Variants in USB1 observed in about 807,000 individuals in gnomAD.
USB1 encodes U6 snRNA biogenesis phosphodiesterase 1, also known as U6 snRNA phosphodiesterase 1.
Under a neutral mutation model 29.9 loss-of-function variants are expected in USB1, and 21 were observed. The ratio of observed to expected loss-of-function variants is 0.70; its 90% CI spans 0.50 to 1.01. The LOEUF (loss-of-function observed/expected upper bound fraction) is 1.01. Ranked by LOEUF, USB1 falls within the 50% of genes least tolerant of loss-of-function variation. The pLI is 0.00. For synonymous variants in USB1, 143 were observed against 134.9 expected (o/e 1.06, Z -0.42); for missense variants, 330 against 347.1 (o/e 0.95, Z 0.39).
intron 2 of USB1, among the ~76,000 whole-genome samples, chr16:58,006,351 TCAAAAAAAAAAAAAAA>T (rs1467650007): frequency 5.9e-5 from 3 of 50,614 alleles, no homozygotes; most frequent in African/African-American, 9.5e-5. Flanking sequence ...AAACCTCGTT[TCAAAAAAAAAAAAAAA>T]CAAAAAAAAA....
chr16:58,005,615 A>G (rs1204984395), intron 2 of USB1, among the ~76,000 whole-genome samples: 1 of 152,214 alleles, frequency 6.6e-6, no homozygotes, highest in Non-Finnish European at 1.5e-5. Flanking sequence ...ATGATTAATA[A>G]TATTCATATA....
rs751177454 is a variant in USB1, at chr16:58,020,183, G to A, written c.736G>A (p.Val246Met). 20 of 1,614,060 alleles carry A rather than the reference G, an allele frequency of 1.2e-5. 1 individual carries two copies. Among genetic ancestry groups the A allele is most frequent in the South Asian group, 6.6e-5 (6 of 91,090 alleles). ...GFEDAEVLLRVHTEQVRCKSG... is the reference protein window; with the variant it reads ...GFEDAEVLLRMHTEQVRCKSG... The stretch of plus-strand genomic sequence containing the variant: ...TGAAGATGCTGAGGTGCTGCTGCGC[G>A]TGCACACTGAGCAAGTCCGCTGCAA... Residue 246 changes from valine to methionine, a missense_variant, in exon 7 of 7, where the codon GTG (valine) becomes ATG (methionine). Physicochemically the swap from Val to Met is conservative, Grantham distance 21. Coordinates refer to ENST00000219281, the MANE Select transcript of USB1 (RefSeq NM_024598.4).
intron 2 of USB1, 75 bp from the exon 3 acceptor site, chr16:58,009,854 C>G (rs1039731002): frequency 6.3e-7 from 1 of 1,583,548 alleles, no homozygotes; most frequent in African/African-American, 1.3e-5. Flanking sequence ...CTTCCCTCTG[C>G]CTTCTGGGCT....
In USB1 at chr16:58,001,501, G is replaced by A. The variant is rs954060204; in HGVS notation, c.18G>A (p.Leu6=). The A allele has an allele frequency of 2.5e-6, 4 of 1,605,016 alleles. No individual in the cohort carries two copies. The highest frequency in any genetic ancestry group is 8.5e-7 in the Non-Finnish European group (1 of 1,176,352). ...GAGGCCCCATGAGCGCGGCGCCCCT[G>A]GTGGGCTACAGCAGCAGCGGCTCCG... MSAAP[L]VGYSSSGSED... The change falls in exon 1 of 7, where the codon CTG becomes CTA. Residue 6 remains leucine, a synonymous_variant. Coordinates refer to ENST00000219281, the MANE Select transcript of USB1 (RefSeq NM_024598.4).
At chr16:58,011,854 A>G (rs1280390109) in intron 3 of USB1, 1 of 992,786 alleles carries the variant, frequency 1.0e-6, no homozygotes, top group African/African-American at 1.7e-5. Context: ...GTAGACATCA[A>G]ATAGATGCTT....
upstream of USB1, among the ~76,000 whole-genome samples, chr16:58,001,093 C>T (rs570833137): frequency 2.0e-5 from 3 of 152,216 alleles, no homozygotes; most frequent in East Asian, 3.9e-4. Flanking sequence ...TGGCCGGGCT[C>T]GGGGCAGGCA....
rs1407525376 is a variant in USB1 at position 58,002,530 on chromosome 16, G to A, written c.150G>A (p.Leu50=). Residue 50 remains leucine, a synonymous_variant, in exon 2 of 7, where the codon CTG becomes CTA. Coordinates refer to ENST00000219281, the MANE Select transcript of USB1 (RefSeq NM_024598.4). Reference sequence around the variant, plus strand: ...GATTTCCAGTACCTGACAGTGTGCTGAACATGTTCCCGGGCACCGAGGAGG... The same window carrying A: ...GATTTCCAGTACCTGACAGTGTGCTAAACATGTTCCCGGGCACCGAGGAGG... The part of the protein sequence containing the change: ...RQRFPVPDSV[L]NMFPGTEEGP... 1.2e-6 allele frequency: 2 copies of A among 1,613,984 alleles called. No individual in the cohort carries two copies. Among genetic ancestry groups the A allele is most frequent in the South Asian group, 1.1e-5 (1 of 91,086 alleles).
chr16:58,020,396 C>A lies in USB1; in HGVS notation c.*151C>A. The A allele has an allele frequency of 1.4e-6, 1 of 705,824 alleles. No homozygotes were observed. Among genetic ancestry groups the A allele is most frequent in the Non-Finnish European group, 2.6e-6 (1 of 387,490 alleles). The allele number at this position is 705,824 out of a possible 1,614,324, so 43.7% of individuals were successfully genotyped here. A position where few individuals can be genotyped will look rare whatever the true frequency, so the allele number is the denominator to read the frequency against. ...GGAGGTGTAGCCACTCCTCATCCTCCCTGAGTGCTGATATTCTCTCTCTCT... is the reference window on the plus strand; with the variant it reads ...GGAGGTGTAGCCACTCCTCATCCTCACTGAGTGCTGATATTCTCTCTCTCT... On this transcript the variant is annotated 3_prime_UTR_variant, in exon 7 of 7. Coordinates refer to ENST00000219281, the MANE Select transcript of USB1 (RefSeq NM_024598.4).
chr16:58,020,224 C>G lies in USB1; in HGVS notation c.777C>G (p.Phe259Leu). The part of the protein sequence containing the change: ...EQVRCKSGNK[F>L]FSMPLK ...TCCGCTGCAAGTCTGGGAACAAGTT[C>G]TTCTCGATGCCTTTGAAGTGAGCAC... Residue 259 changes from phenylalanine to leucine, a missense_variant, in exon 7 of 7, where the codon TTC becomes TTG. Transcript: ENST00000219281. 6.2e-7 allele frequency: 1 copy of G among 1,614,078 alleles called. No homozygotes were observed. Among genetic ancestry groups the G allele is most frequent in the East Asian group, 2.2e-5 (1 of 44,896 alleles).
At chr16:58,018,728 A>G (rs972884463) in intron 5 of USB1, among the ~76,000 whole-genome samples, 3 of 152,014 alleles carry the variant, frequency 2.0e-5, no homozygotes, top group African/African-American at 4.8e-5. Context: ...ATACTATCAC[A>G]TTGGGGGTTA....
intron 2 of USB1, among the ~76,000 whole-genome samples, chr16:58,007,151 T>TGA (rs1237750428): frequency 6.6e-6 from 1 of 152,248 alleles, no homozygotes; most frequent in Non-Finnish European, 1.5e-5. Context: ...TCTCTGTCCA[T>TGA]GAGAGATATG....
At chr16:58,002,977 G>A (rs1963265883) in intron 2 of USB1, among the ~76,000 whole-genome samples, 1 of 152,178 alleles carries the variant, frequency 6.6e-6, no homozygotes. Flanking sequence ...CGCTGGGTGT[G>A]CAAGGTTCAA....
rs146419360 is a variant in USB1 at position 58,020,201 on chromosome 16, C to A, written c.754C>A (p.Arg252Ser). Residue 252 changes from arginine (R) to serine (S), a missense_variant, in exon 7 of 7, where the codon CGC becomes AGC. Transcript: ENST00000219281. ...GCTGCGCGTGCACACTGAGCAAGTC[C>A]GCTGCAAGTCTGGGAACAAGTTCTT... ...VLLRVHTEQVRCKSGNKFFSM... is the reference protein window; with the variant it reads ...VLLRVHTEQVSCKSGNKFFSM... 1.4e-5 allele frequency: 23 copies of A among 1,614,012 alleles called. No individual in the cohort carries two copies. Among genetic ancestry groups the A allele is most frequent in the Non-Finnish European group, 6.8e-6 (8 of 1,180,032 alleles).
At chr16:58,016,248 G>C (rs1387870770) in intron 4 of USB1, 3 of 152,202 alleles carry the variant, frequency 2.0e-5, no homozygotes, top group Non-Finnish European at 2.9e-5. Flanking sequence ...GTGAAGCAAG[G>C]GGAAGACGAA....
rs868158341 is a variant in USB1 at position 58,005,412 on chromosome 16, G to A, written c.265+2767G>A. On this transcript the variant is annotated intron_variant, in intron 2 of 6. Coordinates refer to ENST00000219281, the MANE Select transcript of USB1 (RefSeq NM_024598.4). The stretch of plus-strand genomic sequence containing the variant: ...GGCAATGGGCATCTTCCCAGACGCT[G>A]GCATTACTGCTAGACCAAGGAGCCC... 5.9e-5 allele frequency among the ~76,000 whole-genome samples: 9 copies of A among 152,274 alleles called. No homozygotes were observed. In the Middle Eastern group the frequency reaches 0.014, roughly 232 times the overall value.
Position 58,017,356 on chromosome 16 carries a change from A to G in USB1, c.526A>G (p.Thr176Ala), listed in dbSNP as rs1352584852. 1 of 1,614,160 alleles carries G rather than the reference A, an allele frequency of 6.2e-7. No homozygotes were observed. Among genetic ancestry groups the G allele is most frequent in the East Asian group, 2.2e-5 (1 of 44,868 alleles). ...CAGGACCTTTATTGGGCTTGAGGTC[A>G]CTTCAGGGCATGCCCAGTTCCTGGA... ...KTRTFIGLEV[T>A]SGHAQFLDLV... The change falls in exon 5 of 7, where the codon ACT becomes GCT. Residue 176 changes from threonine to alanine, a missense_variant. Physicochemically the swap from Thr to Ala is moderately conservative, Grantham distance 58. Coordinates refer to ENST00000219281, the MANE Select transcript of USB1 (RefSeq NM_024598.4).
intron 2 of USB1, among the ~76,000 whole-genome samples, chr16:58,004,870 C>T (rs1963314440): frequency 6.6e-6 from 1 of 152,196 alleles, no homozygotes; most frequent in South Asian, 2.1e-4. Flanking sequence ...GGGACCACTA[C>T]TACCAAGACG....
chr16:58,001,465 T>C lies in USB1; in HGVS notation c.-19T>C, dbSNP rs1199509101. 1.3e-6 allele frequency: 2 copies of C among 1,586,366 alleles called. No homozygotes were observed. The highest frequency in any genetic ancestry group is 1.7e-6 in the Non-Finnish European group (2 of 1,167,256). On this transcript the variant is annotated 5_prime_UTR_variant, in exon 1 of 7. Coordinates refer to ENST00000219281, the MANE Select transcript of USB1 (RefSeq NM_024598.4). ...GAGGTTGCTGGTGGACCTGCTCTGG[T>C]GGTCTTGGATGAGGCCCCATGAGCG...
intron 2 of USB1, among the ~76,000 whole-genome samples, chr16:58,005,471 C>T (rs1567417838): frequency 6.6e-6 from 1 of 152,218 alleles, no homozygotes. Flanking sequence ...ACAGAGGGCT[C>T]GCACTCTTGT....
Sources: gnomAD v4.1 joint callset for allele counts (sites outside exome capture counted in the v4.1 genomes callset) on GRCh38, gnomAD v4.1.1 for gene constraint, MANE v1.5 for transcripts, NCBI Gene and HGNC (gene_info 2026-07-23, HGNC 2026-07-21) for gene names.